Variants in SLC39A11 observed in about 807,000 individuals in gnomAD.
SLC39A11 encodes zinc transporter ZIP11.
Under a neutral mutation model 36.1 loss-of-function variants are expected in SLC39A11, and 33 were observed. The ratio of observed to expected loss-of-function variants is 0.91; its 90% CI spans 0.69 to 1.22. SLC39A11 has a LOEUF of 1.22. Among genes scored for constraint, SLC39A11 ranks in the 50% most tolerant of loss-of-function variants. The probability of loss-of-function intolerance (pLI) is 0.00; values close to 1 mark genes in which losing one functional copy is unlikely to be tolerated. For missense variants in SLC39A11, 432 were observed against 430.3 expected (o/e 1.00, Z -0.03); for synonymous variants, 166 against 170.3 (o/e 0.97, Z 0.20).
intron 6 of SLC39A11, among the ~76,000 whole-genome samples, chr17:72,738,677 G>A (rs570075516): frequency 6.6e-6 from 1 of 152,324 alleles, no homozygotes; most frequent in African/African-American, 2.4e-5. Flanking sequence ...AAACACGAAG[G>A]AGAACTACTG....
chr17:72,949,339 T>C (rs1209261742), intron 4 of SLC39A11, among the ~76,000 whole-genome samples: 1 of 151,558 alleles, frequency 6.6e-6, no homozygotes, highest in East Asian at 1.9e-4. Flanking sequence ...CTTTGTGTTT[T>C]TAGTGGAGAT....
chr17:72,780,257 C>A (rs1330172956), intron 6 of SLC39A11, among the ~76,000 whole-genome samples: 1 of 152,156 alleles, frequency 6.6e-6, no homozygotes, highest in Non-Finnish European at 1.5e-5. Context: ...ATCAACAAGG[C>A]CTTCTCTGAA....
At chr17:72,810,517 A>T (rs2077401075) in intron 6 of SLC39A11, among the ~76,000 whole-genome samples, 1 of 152,226 alleles carries the variant, frequency 6.6e-6, no homozygotes, top group Non-Finnish European at 1.5e-5. Flanking sequence ...ATTCCATTTA[A>T]ATGATATTCC....
At chr17:72,791,795 C>T (rs967621585) in intron 6 of SLC39A11, among the ~76,000 whole-genome samples, 1 of 152,154 alleles carries the variant, frequency 6.6e-6, no homozygotes, top group Non-Finnish European at 1.5e-5. Flanking sequence ...GCTTTTCGCC[C>T]TTTTGCTCGG....
rs757649925 is a variant in SLC39A11 at position 73,031,759 on chromosome 17, A to C, written c.148-45T>G. Reference sequence around the variant, plus strand: ...AGATAAACGTTAAAGCAACTGCAGAAGGCTTTCCAGGCAGGACCTCAGTTG... The same window carrying C: ...AGATAAACGTTAAAGCAACTGCAGACGGCTTTCCAGGCAGGACCTCAGTTG... On this transcript the variant is annotated intron_variant, in intron 3 of 9. Coordinates refer to ENST00000255559, the MANE Select transcript of SLC39A11 (RefSeq NM_139177.4). 5 of 1,597,126 alleles carry C rather than the reference A, an allele frequency of 3.1e-6. No homozygotes were observed. In the South Asian group the frequency reaches 5.6e-5, roughly 18 times the overall value.
intron 5 of SLC39A11, among the ~76,000 whole-genome samples, chr17:72,921,737 T>C (rs1424081112): frequency 1.3e-5 from 2 of 149,166 alleles, no homozygotes; most frequent in Non-Finnish European, 3.0e-5. Context: ...TCCACTTATA[T>C]CCATTTATTA....
intron 7 of SLC39A11, among the ~76,000 whole-genome samples, chr17:72,712,040 T>C (rs2073124315): frequency 6.6e-6 from 1 of 152,270 alleles, no homozygotes; most frequent in African/African-American, 2.4e-5. Context: ...ATTAGACTGA[T>C]GCCTTGTCCT....
intron 5 of SLC39A11, among the ~76,000 whole-genome samples, chr17:72,869,450 T>G (rs1324464122): frequency 6.6e-6 from 1 of 152,212 alleles, no homozygotes; most frequent in Admixed American, 6.5e-5. Context: ...AGTGCCATGG[T>G]GTGGTCTTGG....
intron 7 of SLC39A11, among the ~76,000 whole-genome samples, chr17:72,721,313 T>A (rs2143587385): frequency 6.6e-6 from 1 of 152,184 alleles, no homozygotes; most frequent in African/African-American, 2.4e-5. Flanking sequence ...GCCAGTCTGG[T>A]CTCGATCTCC....
chr17:72,844,485 A>G (rs2078964269), intron 6 of SLC39A11, among the ~76,000 whole-genome samples: 1 of 152,194 alleles, frequency 6.6e-6, no homozygotes, highest in Non-Finnish European at 1.5e-5. Flanking sequence ...CCTGACCAAT[A>G]TGGCAAAATC....
intron 6 of SLC39A11, among the ~76,000 whole-genome samples, chr17:72,833,332 G>A (rs1243951621): frequency 6.6e-6 from 1 of 152,178 alleles, no homozygotes; most frequent in Non-Finnish European, 1.5e-5. Context: ...GAAGAATTCA[G>A]ATATTCAGAT....
rs1739684211 is a variant in SLC39A11, at chr17:72,978,712, A to C, written c.307-30837T>G. ...GGAGGCCAGGTTCTGGGACAGAGAC[A>C]GTAATGCCTTAGGCTGGGGTGGAAA... is the stretch of plus-strand genomic sequence containing the variant. On this transcript the variant is annotated intron_variant, in intron 4 of 9. Coordinates refer to ENST00000255559, the MANE Select transcript of SLC39A11 (RefSeq NM_139177.4). Among the ~76,000 whole-genome samples the C allele has an allele frequency of 3.9e-5, 6 of 152,298 alleles. No individual in the cohort carries two copies. In the South Asian group the frequency reaches 1.2e-3, roughly 32 times the overall value.
intron 6 of SLC39A11, among the ~76,000 whole-genome samples, chr17:72,819,865 A>C (rs962388807): frequency 6.6e-6 from 1 of 151,196 alleles, no homozygotes; most frequent in African/African-American, 2.4e-5. Context: ...GAGCCCAGAG[A>C]CAATGACTCC....
In SLC39A11 at chr17:72,648,796, C is replaced by G; in HGVS notation, c.929+7G>C. On this transcript the variant is annotated splice_region_variant and intron_variant, in intron 9 of 9. Coordinates refer to ENST00000255559, the MANE Select transcript of SLC39A11 (RefSeq NM_139177.4). ...CAGGGACAGACAGGGAGGGAAGGTT[C>G]TCCAACCTGATCTGGGCTTCGGGGA... 6.2e-7 allele frequency: 1 copy of G among 1,614,144 alleles called. No individual in the cohort carries two copies. The highest frequency in any genetic ancestry group is 1.1e-5 in the South Asian group (1 of 91,070).
chr17:73,033,890 A>G (rs1201060938), intron 3 of SLC39A11, among the ~76,000 whole-genome samples: 1 of 152,220 alleles, frequency 6.6e-6, no homozygotes, highest in Non-Finnish European at 1.5e-5. Flanking sequence ...GCTGTCAAAC[A>G]TGCACAGTCA....
chr17:72,916,633 C>T (rs1436517915), intron 5 of SLC39A11, among the ~76,000 whole-genome samples: 2 of 152,182 alleles, frequency 1.3e-5, no homozygotes, highest in Non-Finnish European at 2.9e-5. Context: ...GGCCTTAGTA[C>T]TTGGGCAGGA....
intron 6 of SLC39A11, among the ~76,000 whole-genome samples, chr17:72,847,514 G>A (rs2079108384): frequency 6.6e-6 from 1 of 152,008 alleles, no homozygotes; most frequent in South Asian, 2.1e-4. Context: ...TGAAAATGTT[G>A]GGAAAACTGG....
chr17:73,091,627 C>T (rs1046287401), intron 1 of SLC39A11, among the ~76,000 whole-genome samples: 3 of 152,094 alleles, frequency 2.0e-5, no homozygotes, highest in Non-Finnish European at 2.9e-5. Flanking sequence ...CCCAAGAGAA[C>T]AAGAAGTTTT....
chr17:72,723,049 T>C (rs2073766861), intron 7 of SLC39A11, among the ~76,000 whole-genome samples: 1 of 152,224 alleles, frequency 6.6e-6, no homozygotes, highest in African/African-American at 2.4e-5. Context: ...GGCCGTCGTT[T>C]GTCAGTCTTT....
Sources: allele counts gnomAD v4.1 joint callset (sites outside exome capture counted in the v4.1 genomes callset), GRCh38; gene constraint gnomAD v4.1.1; transcripts MANE v1.5; gene names NCBI Gene and HGNC (gene_info 2026-07-23, HGNC 2026-07-21).